Variants in INPP5A observed in about 807,000 individuals in gnomAD.
The protein encoded by INPP5A is inositol polyphosphate-5-phosphatase A.
Under a neutral mutation model 65.2 loss-of-function variants are expected in INPP5A, and 14 were observed. The observed-to-expected ratio is 0.21, with a 90% CI of 0.14 to 0.34. The LOEUF (loss-of-function observed/expected upper bound fraction) is 0.34, where lower values mean the gene tolerates loss of function less well. Among genes scored for constraint, INPP5A ranks in the 10% least tolerant of loss-of-function variants. The pLI, the probability that INPP5A is intolerant of heterozygous loss-of-function variation, is 1.00. For synonymous variants in INPP5A, 207 were observed against 208.3 expected, an observed-to-expected ratio of 0.99 and a Z score of 0.05; for missense variants, 431 against 545.6, an observed-to-expected ratio of 0.79 and a Z score of 2.09.
chr10:132,580,858 A>C (rs1366805909), intron 1 of INPP5A, among the ~76,000 whole-genome samples: 2 of 152,252 alleles, frequency 1.3e-5, no homozygotes, highest in African/African-American at 4.8e-5. Flanking sequence ...TTCTGTGTGA[A>C]TATCACTAGC....
At chr10:132,686,461 G>T (rs763954596) in intron 4 of INPP5A, among the ~76,000 whole-genome samples, 1 of 152,218 alleles carries the variant, frequency 6.6e-6, no homozygotes, top group African/African-American at 2.4e-5. Flanking sequence ...AGACCTGGGC[G>T]AGCTGGGGAC....
intron 11 of INPP5A, among the ~76,000 whole-genome samples, chr10:132,750,894 G>A (rs1590982720): frequency 1.3e-5 from 2 of 152,234 alleles, no homozygotes; most frequent in Non-Finnish European, 2.9e-5. Flanking sequence ...GTAGACCCAG[G>A]ACACTGCAGC....
rs2071880818 is a variant in INPP5A, at chr10:132,607,904, T to C, written c.76-11T>C. ...GTCTGACTGGCTTTTCTTTTTCTTC[T>C]TAATTTACAGCCAGAAAACCTGCAG... is the stretch of plus-strand genomic sequence containing the variant. On this transcript the variant is annotated splice_polypyrimidine_tract_variant and intron_variant, in intron 1 of 15. Transcript: ENST00000368594. The C allele has an allele frequency of 1.9e-6, 3 of 1,607,592 alleles. No homozygotes were observed. Among genetic ancestry groups the C allele is most frequent in the African/African-American group, 1.3e-5 (1 of 75,074 alleles).
At chr10:132,591,588 A>G (rs560249785) in intron 1 of INPP5A, among the ~76,000 whole-genome samples, 2 of 152,300 alleles carry the variant, frequency 1.3e-5, no homozygotes, top group South Asian at 2.1e-4. Context: ...TCCTTGTTGC[A>G]TTGGAAGCGG....
chr10:132,651,377 C>T lies in INPP5A; in HGVS notation c.306+872C>T, dbSNP rs547585469. 2.0e-3 allele frequency among the ~76,000 whole-genome samples: 281 copies of T among 140,974 alleles called. 1 individual carries two copies. The Middle Eastern group carries it at 0.029, about 15-fold the overall frequency. The allele number at this position is 140,974 out of a possible 152,430, so 92.5% of individuals were successfully genotyped here. On this transcript the variant is annotated intron_variant, in intron 4 of 15. Transcript: ENST00000368594. This position sits in a 1 kb window ranked among gnomAD's most constrained non-coding sequence, Gnocchi z 5.0. ...AGGCCCTGGGTCCCCCGGCCTGGGT[C>T]CATCTCCCCCGTCTCTGGGGAGGCC... is the stretch of plus-strand genomic sequence containing the variant.
At chr10:132,558,771 C>T (rs1277098165) in intron 1 of INPP5A, among the ~76,000 whole-genome samples, 1 of 152,254 alleles carries the variant, frequency 6.6e-6, no homozygotes, top group Non-Finnish European at 1.5e-5. Flanking sequence ...CTAAACTCCT[C>T]AGGGTCAGCG....
chr10:132,668,450 G>A (rs1269579568), intron 4 of INPP5A, among the ~76,000 whole-genome samples: 1 of 152,140 alleles, frequency 6.6e-6, no homozygotes, highest in Non-Finnish European at 1.5e-5. Context: ...GAAAATCAGA[G>A]CACTTCAAAT....
chr10:132,595,307 G>C (rs2071672149), intron 1 of INPP5A, among the ~76,000 whole-genome samples: 1 of 151,678 alleles, frequency 6.6e-6, no homozygotes, highest in African/African-American at 2.4e-5. Context: ...GTGGGGGCTT[G>C]TGTGAGGTGT....
intron 8 of INPP5A, among the ~76,000 whole-genome samples, chr10:132,722,557 G>A (rs554091690): frequency 1.1e-4 from 16 of 152,302 alleles, no homozygotes; most frequent in African/African-American, 2.6e-4. Context: ...TTAGGGAAGC[G>A]CCCGCTGTTG....
At chr10:132,645,111 G>C (rs1266748917) in intron 2 of INPP5A, among the ~76,000 whole-genome samples, 1 of 151,972 alleles carries the variant, frequency 6.6e-6, no homozygotes, top group African/African-American at 2.4e-5. Context: ...CTCTTTAGCT[G>C]TAAAAGTTTG....
chr10:132,571,495 T>C (rs2071341429), intron 1 of INPP5A, among the ~76,000 whole-genome samples: 1 of 152,266 alleles, frequency 6.6e-6, no homozygotes, highest in African/African-American at 2.4e-5. Flanking sequence ...TCAGGACCAC[T>C]GATAATCAAA....
intron 9 of INPP5A, among the ~76,000 whole-genome samples, chr10:132,731,826 G>T (rs755515502): frequency 6.6e-6 from 1 of 152,244 alleles, no homozygotes; most frequent in Non-Finnish European, 1.5e-5. Context: ...GGTTATCACC[G>T]AGGCATGCCC....
chr10:132,604,950 CCTGGTGG>C (rs2071826906), intron 1 of INPP5A, among the ~76,000 whole-genome samples: 1 of 152,230 alleles, frequency 6.6e-6, no homozygotes, highest in East Asian at 1.9e-4. Flanking sequence ...GGGCTCAGGG[CCTGGTGG>C]CTGTGCAGAC....
chr10:132,613,053 C>T (rs2071980990), intron 2 of INPP5A, among the ~76,000 whole-genome samples: 1 of 152,222 alleles, frequency 6.6e-6, no homozygotes, highest in Non-Finnish European at 1.5e-5. Flanking sequence ...GACCTCAGAT[C>T]CAAGGCTCAG....
intron 1 of INPP5A, among the ~76,000 whole-genome samples, chr10:132,565,098 C>T (rs1461267685): frequency 2.0e-5 from 3 of 152,178 alleles, no homozygotes; most frequent in Non-Finnish European, 4.4e-5. Flanking sequence ...TATTTTAATT[C>T]TTAAAAAAAT....
rs371921137 is a variant in INPP5A, at chr10:132,571,508, C to T, written c.75+33337C>T. Among the ~76,000 whole-genome samples, 25 of 152,362 alleles carry T rather than the reference C, an allele frequency of 1.6e-4. No homozygotes were observed. In the East Asian group the frequency reaches 4.8e-3, roughly 29 times the overall value. ...ACTCAGGACCACTGATAATCAAAACCACCAACTTTGGACTACACAGAGCTA... is the reference window on the plus strand; with the variant it reads ...ACTCAGGACCACTGATAATCAAAACTACCAACTTTGGACTACACAGAGCTA... On this transcript the variant is annotated intron_variant, in intron 1 of 15. Transcript: ENST00000368594.
At chr10:132,539,258 C>G (rs1365824473) in intron 1 of INPP5A, among the ~76,000 whole-genome samples, 1 of 152,230 alleles carries the variant, frequency 6.6e-6, no homozygotes, top group Admixed American at 6.5e-5. Flanking sequence ...TCTGTCTGTC[C>G]CTGCAGGGCC....
intron 1 of INPP5A, among the ~76,000 whole-genome samples, chr10:132,592,442 G>C (rs1044657791): frequency 6.6e-6 from 1 of 152,108 alleles, no homozygotes; most frequent in African/African-American, 2.4e-5. Context: ...TTGAAATGGA[G>C]TCTTGCTCTG....
chr10:132,777,046 C>T (rs977451755), intron 12 of INPP5A, among the ~76,000 whole-genome samples: 2 of 152,186 alleles, frequency 1.3e-5, no homozygotes, highest in South Asian at 2.1e-4. Flanking sequence ...TGAAGGGCTC[C>T]GCCCTCAGGG....
Sources: gnomAD v4.1 joint callset for allele counts (sites outside exome capture counted in the v4.1 genomes callset) on GRCh38, gnomAD v4.1.1 for gene constraint, Gnocchi (gnomAD v3.1) non-coding constraint, MANE v1.5 for transcripts, NCBI Gene and HGNC (gene_info 2026-07-23, HGNC 2026-07-21) for gene names.